Variants in SLC29A2 observed in about 807,000 individuals in gnomAD.
SLC29A2 encodes the protein equilibrative nucleoside transporter 2.
Under a neutral mutation model 48.8 loss-of-function variants are expected in SLC29A2, and 37 were observed. That is an observed-to-expected ratio of 0.76 (90% CI 0.58 to 1.00). The LOEUF (loss-of-function observed/expected upper bound fraction) is 1.00. Among genes scored for constraint, SLC29A2 ranks in the 50% least tolerant of loss-of-function variants. SLC29A2 has a pLI of 0.00. For synonymous variants in SLC29A2, 233 were observed against 261.7 expected, an observed-to-expected ratio of 0.89 and a Z score of 1.06; for missense variants, 533 against 578.6, an observed-to-expected ratio of 0.92 and a Z score of 0.81.
In SLC29A2 at chr11:66,371,018, G is replaced by C. The variant is rs180920729; in HGVS notation, c.111+226C>G. 3.5e-3 allele frequency among the ~76,000 whole-genome samples: 532 copies of C among 152,278 alleles called. 7 individuals carry two copies. Among genetic ancestry groups the C allele is most frequent in the African/African-American group, 0.012 (505 of 41,546 alleles). On this transcript the variant is annotated intron_variant, in intron 2 of 11. Coordinates refer to ENST00000357440, the MANE Select transcript of SLC29A2 (RefSeq NM_001532.3). ...GGTGGCAGCGCCTTTGCTCATTCCA[G>C]ACCCTGTGGGCTGGTGGCCTTGCCC... is the stretch of plus-strand genomic sequence containing the variant.
At chr11:66,369,618 T>C in intron 2 of SLC29A2, 86 bp from the exon 3 acceptor site, 1 of 1,488,032 alleles carries the variant, frequency 6.7e-7, no homozygotes, top group African/African-American at 1.4e-5. Context: ...CTTTCTAATG[T>C]CTGTGGGGAC....
chr11:66,368,502 C>G (rs940578359), intron 5 of SLC29A2, 35 bp downstream of exon 5: 2 of 1,612,790 alleles, frequency 1.2e-6, no homozygotes, highest in African/African-American at 2.7e-5. Context: ...ACCTCAGAGG[C>G]CACCCCAGCC....
chr11:66,365,197 G>A (rs1433438301), intron 10 of SLC29A2, among the ~76,000 whole-genome samples: 1 of 152,114 alleles, frequency 6.6e-6, no homozygotes, highest in African/African-American at 2.4e-5. Flanking sequence ...GAGCCACCGC[G>A]TCCAGCCCCA....
chr11:66,371,245 G>A lies in SLC29A2; in HGVS notation c.110C>T (p.Pro37Leu). The change falls in exon 2 of 12, where the codon CCG (proline) becomes CTG (leucine). Residue 37 changes from proline (P) to leucine (L), a missense_variant and splice_region_variant. By Grantham distance (98) the Pro-to-Leu change is moderately conservative. Transcript: ENST00000357440. The stretch of plus-strand genomic sequence containing the variant: ...CTGCCACGCCGCCAGGAGTCTCACC[G>A]GGATGGCGGTGATGAAGAAGTTCCA... ...LPWNFFITAI[P>L]YFQARLAGAG... 1.2e-6 allele frequency: 2 copies of A among 1,613,532 alleles called. No individual in the cohort carries two copies. The highest frequency in any genetic ancestry group is 8.5e-7 in the Non-Finnish European group (1 of 1,179,798).
At chr11:66,371,831 T>G, upstream of SLC29A2, 1 of 536,604 alleles carries the variant, frequency 1.9e-6, no homozygotes, top group Non-Finnish European at 3.3e-6. Context: ...CGTCTCTCCT[T>G]CCCCCACCCG....
chr11:66,368,822 C>G (rs1388930410), intron 4 of SLC29A2, 151 bp from the exon 5 acceptor site: 1 of 1,171,466 alleles, frequency 8.5e-7, no homozygotes, highest in South Asian at 1.3e-5. Flanking sequence ...GGGCAACACC[C>G]GCTATTCAGT....
At chr11:66,370,979 GAC>G (rs1411580068) in intron 2 of SLC29A2, among the ~76,000 whole-genome samples, 2 of 151,872 alleles carry the variant, frequency 1.3e-5, no homozygotes, top group Non-Finnish European at 2.9e-5. Context: ...CAGGAATAAC[GAC>G]ACACAGAGAG....
At position 66,369,125 on chromosome 11, in the gene SLC29A2, A is replaced by C; in HGVS notation, c.350T>G (p.Val117Gly). 6 of 1,590,648 alleles carry C rather than the reference A, an allele frequency of 3.8e-6. No homozygotes were observed. The South Asian group carries it at 6.9e-5, about 18-fold the overall frequency. The change falls in exon 4 of 12, where the codon GTC (valine) becomes GGC (glycine). Residue 117 changes from valine (V) to glycine (G), a missense_variant. Coordinates refer to ENST00000357440, the MANE Select transcript of SLC29A2 (RefSeq NM_001532.3). ...GGGTCCGGGGCTCATGTCCACCTTG[A>C]CCAGCGCTGCTGTCAGGGCAAAGAG... The part of the protein sequence containing the change: ...LLLFALTAAL[V>G]KVDMSPGPFF...
chr11:66,364,419 G>A lies in SLC29A2; in HGVS notation c.1065C>T (p.Asp355=), dbSNP rs372555927. The change falls in exon 11 of 12, where the codon GAC becomes GAT. Residue 355 remains aspartate (D), a synonymous_variant. Transcript: ENST00000357440. ...GCAGGGGCAGCAGCCGGCTGTCCTCGTCTGGCTGTGGTAGAAGCTGAAGTC... is the reference window on the plus strand; with the variant it reads ...GCAGGGGCAGCAGCCGGCTGTCCTCATCTGGCTGTGGTAGAAGCTGAAGTC... ...RSLTSYFLWP[D]EDSRLLPLLV... The A allele has an allele frequency of 9.1e-5, 146 of 1,609,438 alleles. No individual in the cohort carries two copies. The highest frequency in any genetic ancestry group is 1.1e-4 in the Non-Finnish European group (129 of 1,178,182).
intron 7 of SLC29A2, 21 bp downstream of exon 7, chr11:66,367,443 C>T (rs749593315): frequency 6.8e-6 from 11 of 1,609,764 alleles, no homozygotes; most frequent in African/African-American, 2.7e-5. Flanking sequence ...CCCACCTCCC[C>T]AGGAGGGTCT....
At chr11:66,368,273 C>T (rs1422499430) in intron 5 of SLC29A2, among the ~76,000 whole-genome samples, 1 of 152,122 alleles carries the variant, frequency 6.6e-6, no homozygotes, top group East Asian at 1.9e-4. Flanking sequence ...CCTTATCCTT[C>T]AACTTCAACC....
At position 66,366,149 on chromosome 11, in the gene SLC29A2, C is replaced by G. The variant is rs371117933; in HGVS notation, c.950G>C (p.Ser317Thr). Residue 317 changes from serine (S) to threonine (T), a missense_variant, in exon 9 of 12, where the codon AGC (serine) becomes ACC (threonine). By Grantham distance (58) the Ser-to-Thr change is moderately conservative (BLOSUM62 1). Coordinates refer to ENST00000357440, the MANE Select transcript of SLC29A2 (RefSeq NM_001532.3). ...VFPAITAMVT[S>T]STSPGKWSQF... ...ACTCCACTTCCCAGGACTGGTGGAG[C>G]TGGTCACCATGGCTGTGATGGCGGG... 3.1e-6 allele frequency: 5 copies of G among 1,614,112 alleles called. No individual in the cohort carries two copies. The highest frequency in any genetic ancestry group is 1.7e-5 in the Admixed American group (1 of 60,020).
chr11:66,367,614 A>C, intron 6 of SLC29A2, 66 bp from the exon 7 acceptor site: 1 of 1,565,326 alleles, frequency 6.4e-7, no homozygotes, highest in African/African-American at 1.4e-5. Context: ...CCCTCCCCAT[A>C]CCATTGGCCT....
chr11:66,363,717 T>C, intron 11 of SLC29A2, 170 bp from the exon 12 acceptor site: 2 of 656,468 alleles, frequency 3.0e-6, no homozygotes, highest in Non-Finnish European at 5.6e-6. Flanking sequence ...GGCTGCTGGA[T>C]AAGGATGTCT....
intron 2 of SLC29A2, among the ~76,000 whole-genome samples, chr11:66,370,653 C>T (rs1855982683): frequency 6.6e-6 from 1 of 151,970 alleles, no homozygotes; most frequent in African/African-American, 2.4e-5. Context: ...GTCAGGAGAT[C>T]GAGACCATCC....
At chr11:66,365,882 C>T (rs984041690) in intron 10 of SLC29A2, 54 bp downstream of exon 10, 45 of 1,537,198 alleles carry the variant, frequency 2.9e-5, no homozygotes, top group South Asian at 1.0e-4. Context: ...TTCAAGCCCT[C>T]GGATCCCAAA....
At chr11:66,368,261 C>G (rs868525149) in intron 5 of SLC29A2, among the ~76,000 whole-genome samples, 1 of 152,130 alleles carries the variant, frequency 6.6e-6, no homozygotes, top group Non-Finnish European at 1.5e-5. Context: ...CCAAACCCAT[C>G]CCCTTATCCT....
Position 66,371,625 on chromosome 11 carries a change from G to A in SLC29A2, c.-34C>T. The A allele has an allele frequency of 1.9e-6, 3 of 1,540,686 alleles. No homozygotes were observed. Among genetic ancestry groups the A allele is most frequent in the African/African-American group, 2.7e-5 (2 of 73,272 alleles). Reference sequence around the variant, plus strand: ...CGGCGGATGCGCCTGGGGTGAAAGGGGCAGAGAAGCCGCACCTGCACCTGC... The same window carrying A: ...CGGCGGATGCGCCTGGGGTGAAAGGAGCAGAGAAGCCGCACCTGCACCTGC... On this transcript the variant is annotated 5_prime_UTR_variant, in exon 1 of 12. Coordinates refer to ENST00000357440, the MANE Select transcript of SLC29A2 (RefSeq NM_001532.3).
Position 66,367,446 on chromosome 11 carries a change from G to C in SLC29A2, c.733+18C>G. On this transcript the variant is annotated intron_variant, in intron 7 of 11. Coordinates refer to ENST00000357440, the MANE Select transcript of SLC29A2 (RefSeq NM_001532.3). Reference sequence around the variant, plus strand: ...TCCTCTGCATCTCCCACCTCCCCAGGAGGGTCTCAGGGCTTACCAGACTGG... The same window carrying C: ...TCCTCTGCATCTCCCACCTCCCCAGCAGGGTCTCAGGGCTTACCAGACTGG... 1.9e-6 allele frequency: 3 copies of C among 1,610,586 alleles called. No homozygotes were observed. Among genetic ancestry groups the C allele is most frequent in the Non-Finnish European group, 2.5e-6 (3 of 1,176,744 alleles).
Sources: gnomAD v4.1 joint callset for allele counts (sites outside exome capture counted in the v4.1 genomes callset) on GRCh38, gnomAD v4.1.1 for gene constraint, MANE v1.5 for transcripts, NCBI Gene and HGNC (gene_info 2026-07-23, HGNC 2026-07-21) for gene names.